KCNK12: variants seen among roughly 807,000 people sequenced by gnomAD.
The protein encoded by KCNK12 is potassium two pore domain channel subfamily K member 12.
A neutral mutation model predicts 25.3 loss-of-function variants in KCNK12; 6 were observed. The ratio of observed to expected loss-of-function variants is 0.24; its 90% CI spans 0.13 to 0.47. The LOEUF is 0.47. KCNK12 is among the 20% of genes least tolerant of loss of function. KCNK12 has a pLI of 0.99. For synonymous variants in KCNK12, 331 were observed against 311.1 expected, an observed-to-expected ratio of 1.06 and a Z score of -0.67; for missense variants, 444 against 661.7, an observed-to-expected ratio of 0.67 and a Z score of 3.61.
rs1669114137 is a variant in KCNK12 at position 47,538,072 on chromosome 2, G to C, written c.392-16264C>G. On this transcript the variant is annotated intron_variant, in intron 1 of 1. Coordinates refer to ENST00000327876, the MANE Select transcript of KCNK12 (RefSeq NM_022055.2). The surrounding 1 kb of genome is among the most constrained non-coding windows in gnomAD (Gnocchi z 4.5). ...ACTTCAGTATCTAAAGGGCAGAAGA[G>C]GAGTCTATGAAGGAGACCACATTCA... 6.6e-6 allele frequency among the ~76,000 whole-genome samples: 1 copy of C among 152,186 alleles called. No homozygotes were observed. The highest frequency in any genetic ancestry group is 2.4e-5 in the African/African-American group (1 of 41,452).
chr2:47,531,419 G>A (rs1639105502), intron 1 of KCNK12, among the ~76,000 whole-genome samples: 1 of 151,938 alleles, frequency 6.6e-6, no homozygotes, highest in Admixed American at 6.6e-5. Flanking sequence ...GCTGCAGTGA[G>A]CCATGACTGC....
rs558599934 is a variant in KCNK12 at position 47,512,502 on chromosome 2, T to C, written c.*8405A>G. ...TCTACAAACATCCCTTCTGTAAACA[T>C]TTCCCTCAAAATGGAGCAGGAAGCT... On this transcript the variant is annotated 3_prime_UTR_variant, in exon 2 of 2. Transcript: ENST00000327876. 1.1e-5 allele frequency: 17 copies of C among 1,482,670 alleles called. No homozygotes were observed. The highest frequency in any genetic ancestry group is 1.4e-5 in the Non-Finnish European group (15 of 1,105,314). 91.8% of individuals were successfully genotyped at this position (1,482,670 alleles called of 1,614,324 possible).
Position 47,535,442 on chromosome 2 carries a change from C to T in KCNK12, c.392-13634G>A, listed in dbSNP as rs1311161537. ...ACTGCGGCTGAGGGGTAAGGTGCAC[C>T]CCTCCTCTAATGGGGGCGCACCCCT... On this transcript the variant is annotated intron_variant, in intron 1 of 1. Coordinates refer to ENST00000327876, the MANE Select transcript of KCNK12 (RefSeq NM_022055.2). 1.1e-4 allele frequency among the ~76,000 whole-genome samples: 16 copies of T among 152,216 alleles called. No individual in the cohort carries two copies. The East Asian group carries it at 2.7e-3, about 26-fold the overall frequency.
rs1041648454 is a variant in KCNK12, at chr2:47,566,640, C to G, written c.391+3301G>C. The G allele has an allele frequency of 2.6e-5, 4 of 152,200 alleles. No individual in the cohort carries two copies. Among genetic ancestry groups the G allele is most frequent in the African/African-American group, 9.7e-5 (4 of 41,436 alleles). The allele number at this position is 152,200 out of a possible 1,614,324, so 9.4% of individuals were successfully genotyped here. A position where few individuals can be genotyped will look rare whatever the true frequency, so the allele number is the denominator to read the frequency against. On this transcript the variant is annotated intron_variant, in intron 1 of 1. Transcript: ENST00000327876. This position sits in a 1 kb window ranked among gnomAD's most constrained non-coding sequence, Gnocchi z 4.1. ...ATCTGTCTTGTCCTTCAAGTTTTCTCTGGACTTAATCAGTTGATGACGTGA... is the reference window on the plus strand; with the variant it reads ...ATCTGTCTTGTCCTTCAAGTTTTCTGTGGACTTAATCAGTTGATGACGTGA...
rs551871358 is a variant in KCNK12 at position 47,551,270 on chromosome 2, C to T, written c.391+18671G>A. On this transcript the variant is annotated intron_variant, in intron 1 of 1. Coordinates refer to ENST00000327876, the MANE Select transcript of KCNK12 (RefSeq NM_022055.2). This position sits in a 1 kb window ranked among gnomAD's most constrained non-coding sequence, Gnocchi z 5.3. ...CCTGGCACTGGCTGGAGCCCTCTTC[C>T]TCCAGGCAGCCACATGGCTCACTCC... Among the ~76,000 whole-genome samples the T allele has an allele frequency of 1.9e-3, 286 of 151,592 alleles. No homozygotes were observed. The highest frequency in any genetic ancestry group is 3.4e-3 in the Non-Finnish European group (228 of 67,822).
chr2:47,546,924 G>A (rs984257326), intron 1 of KCNK12, among the ~76,000 whole-genome samples: 2 of 152,018 alleles, frequency 1.3e-5, no homozygotes, highest in African/African-American at 4.8e-5. Context: ...AGCTGAGAAG[G>A]GGAGGGAGGG....
Position 47,521,214 on chromosome 2 carries a change from A to G in KCNK12, c.986T>C (p.Leu329Pro). ...TGGGGTGATGGCATTGCGCCGGGCC[A>G]GGGGCGCGCCAGGAGCCGGGCAGCA... ...ARCCPAPGAP[L>P]ARRNAITPGS... Residue 329 changes from leucine (L) to proline (P), a missense_variant, in exon 2 of 2, where the codon CTG becomes CCG. Around this residue, in one of 8 missense-constraint regions of KCNK12, gnomAD observed 69 missense variants for 81.7 expected, o/e 0.84. Coordinates refer to ENST00000327876, the MANE Select transcript of KCNK12 (RefSeq NM_022055.2). 15 of 1,573,834 alleles carry G rather than the reference A, an allele frequency of 9.5e-6. No homozygotes were observed. Among genetic ancestry groups the G allele is most frequent in the Non-Finnish European group, 1.3e-5 (15 of 1,160,472 alleles).
At position 47,509,300 on chromosome 2, in the gene KCNK12, A is replaced by G. The variant is rs188208270; in HGVS notation, c.*11607T>C. The stretch of plus-strand genomic sequence containing the variant: ...ATTAAAGACCAAACATTGAGCACTG[A>G]GTGAAAAAGTTTTATTGCCAAACAG... On this transcript the variant is annotated 3_prime_UTR_variant, in exon 2 of 2. Coordinates refer to ENST00000327876, the MANE Select transcript of KCNK12 (RefSeq NM_022055.2). 8.5e-5 allele frequency among the ~76,000 whole-genome samples: 13 copies of G among 152,350 alleles called. No homozygotes were observed. The highest frequency in any genetic ancestry group is 7.8e-4 in the Admixed American group (12 of 15,310).
intron 1 of KCNK12, among the ~76,000 whole-genome samples, chr2:47,559,177 C>G (rs1296757426): frequency 6.6e-6 from 1 of 152,182 alleles, no homozygotes; most frequent in East Asian, 1.9e-4. Flanking sequence ...GATAAGGACC[C>G]AGCTGACTCA....
intron 1 of KCNK12, among the ~76,000 whole-genome samples, chr2:47,550,570 A>T (rs1431328702): frequency 6.6e-6 from 1 of 151,722 alleles, no homozygotes. Context: ...TTTAGTAGAG[A>T]CAGGGTTTCA....
In KCNK12 at chr2:47,512,535, A is replaced by G. The variant is rs1180938783; in HGVS notation, c.*8372T>C. ...AAAATGGAGCAGGAAGCTCTCAAAA[A>G]TGGACCAGAAAGGGGTCAGGAATAT... On this transcript the variant is annotated 3_prime_UTR_variant, in exon 2 of 2. Coordinates refer to ENST00000327876, the MANE Select transcript of KCNK12 (RefSeq NM_022055.2). The G allele has an allele frequency of 2.3e-6, 3 of 1,326,440 alleles. No homozygotes were observed. The highest frequency in any genetic ancestry group is 5.2e-5 in the Admixed American group (2 of 38,552). 82.2% of individuals were successfully genotyped at this position (1,326,440 alleles called of 1,614,324 possible).
chr2:47,566,257 C>T lies in KCNK12; in HGVS notation c.391+3684G>A, dbSNP rs1669784725. On this transcript the variant is annotated intron_variant, in intron 1 of 1. Transcript: ENST00000327876. This position sits in a 1 kb window ranked among gnomAD's most constrained non-coding sequence, Gnocchi z 4.1. ...ACGGGGCCCTGTTCAAACCAAATATCAGGACAAACATTCTACTTCATTGTG... is the reference window on the plus strand; with the variant it reads ...ACGGGGCCCTGTTCAAACCAAATATTAGGACAAACATTCTACTTCATTGTG... 6.6e-6 allele frequency: 1 copy of T among 152,190 alleles called. No homozygotes were observed. Among genetic ancestry groups the T allele is most frequent in the Non-Finnish European group, 1.5e-5 (1 of 68,044 alleles). The allele number at this position is 152,190 out of a possible 1,614,324, so 9.4% of individuals were successfully genotyped here.
In KCNK12 at chr2:47,538,596, C is replaced by A. The variant is rs934103697; in HGVS notation, c.392-16788G>T. Among the ~76,000 whole-genome samples, 9 of 152,100 alleles carry A rather than the reference C, an allele frequency of 5.9e-5. No individual in the cohort carries two copies. The highest frequency in any genetic ancestry group is 1.2e-4 in the Non-Finnish European group (8 of 68,020). Reference sequence around the variant, plus strand: ...GACCAGCCTGGCCAACATGGTGAAACCCCGTCTCTACTAAAAATACAAAAA... The same window carrying A: ...GACCAGCCTGGCCAACATGGTGAAAACCCGTCTCTACTAAAAATACAAAAA... On this transcript the variant is annotated intron_variant, in intron 1 of 1. Coordinates refer to ENST00000327876, the MANE Select transcript of KCNK12 (RefSeq NM_022055.2). This position sits in a 1 kb window ranked among gnomAD's most constrained non-coding sequence, Gnocchi z 4.5.
Position 47,570,111 on chromosome 2 carries a change from G to T in KCNK12, c.221C>A (p.Ala74Asp), listed in dbSNP as rs1361098686. 8 of 1,410,886 alleles carry T rather than the reference G, an allele frequency of 5.7e-6. No homozygotes were observed. In the African/African-American group the frequency reaches 1.1e-4, roughly 19 times the overall value. The allele number at this position is 1,410,886 out of a possible 1,614,324, so 87.4% of individuals were successfully genotyped here. ...CGCAGCGCTGAAGTTGCGCAGCGTG[G>T]CGCCCCAGCGCGCCCGCGCCTCCGC... ...GEAEARARWG[A>D]TLRNFSAAHG... The change falls in exon 1 of 2, where the codon GCC becomes GAC. Residue 74 changes from alanine to aspartate, a missense_variant. Physicochemically the swap from Ala to Asp is moderately radical, Grantham distance 126 (BLOSUM62 -2). Coordinates refer to ENST00000327876, the MANE Select transcript of KCNK12 (RefSeq NM_022055.2).
At chr2:47,552,218 C>T (rs72872831) in intron 1 of KCNK12, among the ~76,000 whole-genome samples, 7,060 of 152,230 alleles carry the variant, frequency 0.046, 526 homozygotes, top group African/African-American at 0.16. Flanking sequence ...AGGTCATTGC[C>T]ACACACCAAC....
chr2:47,520,210 A>T lies in KCNK12; in HGVS notation c.*697T>A, dbSNP rs1668620187. Reference sequence around the variant, plus strand: ...TCACAGGTGCCCTGGACCGCCCACCATTAGAAGTAGCTGCCCTGTGCTCTG... The same window carrying T: ...TCACAGGTGCCCTGGACCGCCCACCTTTAGAAGTAGCTGCCCTGTGCTCTG... On this transcript the variant is annotated 3_prime_UTR_variant, in exon 2 of 2. Transcript: ENST00000327876. This position sits in a 1 kb window ranked among gnomAD's most constrained non-coding sequence, Gnocchi z 5.0. 1 of 152,224 alleles carries T rather than the reference A, an allele frequency of 6.6e-6. No individual in the cohort carries two copies. Among genetic ancestry groups the T allele is most frequent in the Non-Finnish European group, 1.5e-5 (1 of 68,102 alleles). The allele number at this position is 152,224 out of a possible 1,614,324, so 9.4% of individuals were successfully genotyped here.
Position 47,557,273 on chromosome 2 carries a change from G to A in KCNK12, c.391+12668C>T, listed in dbSNP as rs532023007. Among the ~76,000 whole-genome samples the A allele has an allele frequency of 1.3e-5, 2 of 152,254 alleles. No homozygotes were observed. Among genetic ancestry groups the A allele is most frequent in the Admixed American group, 1.3e-4 (2 of 15,296 alleles). ...ATCACTGGAGTGGGTTGGTTATTGC[G>A]GGAGTGGGCTCCTGATAAAAGGATG... On this transcript the variant is annotated intron_variant, in intron 1 of 1. Transcript: ENST00000327876. This position sits in a 1 kb window ranked among gnomAD's most constrained non-coding sequence, Gnocchi z 4.9.
chr2:47,563,827 C>G (rs909454316), intron 1 of KCNK12: 1 of 232,632 alleles, frequency 4.3e-6, no homozygotes, highest in South Asian at 1.8e-4. Context: ...TTGCTCCATT[C>G]GGCACAATTC....
rs1158575163 is a variant in KCNK12 at position 47,525,711 on chromosome 2, G to A, written c.392-3903C>T. Among the ~76,000 whole-genome samples the A allele has an allele frequency of 2.6e-5, 4 of 152,194 alleles. No homozygotes were observed. Among genetic ancestry groups the A allele is most frequent in the Admixed American group, 2.6e-4 (4 of 15,290 alleles). ...GAGCAAGGGGGCCCTAGGAAGAAGA[G>A]GCTGAGGGGCAGAGGGCTGGGGACA... On this transcript the variant is annotated intron_variant, in intron 1 of 1. Transcript: ENST00000327876. The surrounding 1 kb of genome is among the most constrained non-coding windows in gnomAD (Gnocchi z 4.1).
Sources: gnomAD v4.1 joint callset for allele counts (sites outside exome capture counted in the v4.1 genomes callset) on GRCh38, gnomAD v4.1.1 for gene constraint, gnomAD v4.1.1 regional missense constraint, Gnocchi (gnomAD v3.1) non-coding constraint, MANE v1.5 for transcripts, NCBI Gene and HGNC (gene_info 2026-07-23, HGNC 2026-07-21) for gene names.